TMEM135: variants seen among roughly 807,000 people sequenced by gnomAD.
TMEM135 encodes peroxisomal membrane protein 52.
Under a neutral mutation model 60.3 loss-of-function variants are expected in TMEM135, and 30 were observed. That is an observed-to-expected ratio of 0.50 (90% CI 0.37 to 0.68). The LOEUF (loss-of-function observed/expected upper bound fraction) is 0.68, where lower values mean the gene tolerates loss of function less well. Among genes scored for constraint, TMEM135 ranks in the 30% least tolerant of loss-of-function variants. The probability of loss-of-function intolerance (pLI) is 0.00; values close to 1 mark genes in which losing one functional copy is unlikely to be tolerated. For synonymous variants in TMEM135, 190 were observed against 186.7 expected (o/e 1.02, Z -0.14); for missense variants, 468 against 548.8 (o/e 0.85, Z 1.47).
At chr11:87,279,312 C>T (rs1942019898) in intron 6 of TMEM135, among the ~76,000 whole-genome samples, 1 of 152,046 alleles carries the variant, frequency 6.6e-6, no homozygotes, top group Non-Finnish European at 1.5e-5. Flanking sequence ...CTGTCTGTGG[C>T]TCACTGTTTC....
chr11:87,131,877 G>A (rs1047597421), intron 4 of TMEM135, among the ~76,000 whole-genome samples: 1 of 152,070 alleles, frequency 6.6e-6, no homozygotes, highest in Non-Finnish European at 1.5e-5. Flanking sequence ...TTGCATTGCC[G>A]CCTGAGCTCT....
intron 5 of TMEM135, among the ~76,000 whole-genome samples, chr11:87,218,571 G>A (rs1009704791): frequency 3.3e-5 from 5 of 152,078 alleles, no homozygotes; most frequent in Non-Finnish European, 7.4e-5. Context: ...TTTTCCTTAT[G>A]GTGATAATGC....
At chr11:87,282,587 A>G (rs1453299312) in intron 6 of TMEM135, among the ~76,000 whole-genome samples, 3 of 152,144 alleles carry the variant, frequency 2.0e-5, no homozygotes, top group Non-Finnish European at 4.4e-5. Flanking sequence ...CTTTAAAACT[A>G]TCCATGCCTG....
chr11:87,305,821 C>T (rs1942532149), intron 8 of TMEM135, 115 bp from the exon 9 acceptor site: 3 of 473,594 alleles, frequency 6.3e-6, no homozygotes, highest in East Asian at 7.7e-5. Flanking sequence ...ATGTTTTCTT[C>T]TCTCTCTTTT....
intron 5 of TMEM135, among the ~76,000 whole-genome samples, chr11:87,202,623 T>C (rs2135332628): frequency 6.6e-6 from 1 of 152,024 alleles, no homozygotes; most frequent in East Asian, 1.9e-4. Context: ...GTATGTAAAA[T>C]ATATTTTTAT....
At chr11:87,280,196 G>T (rs531883353) in intron 6 of TMEM135, among the ~76,000 whole-genome samples, 1 of 152,170 alleles carries the variant, frequency 6.6e-6, no homozygotes, top group Non-Finnish European at 1.5e-5. Flanking sequence ...AAAATTCAGC[G>T]TGTAGGCTGT....
At chr11:87,140,841 C>T (rs1031747283) in intron 4 of TMEM135, among the ~76,000 whole-genome samples, 3 of 151,956 alleles carry the variant, frequency 2.0e-5, no homozygotes, top group South Asian at 2.1e-4. Context: ...CATATATTTC[C>T]GTTTGGAAAT....
rs1406631291 is a variant in TMEM135 at position 87,150,844 on chromosome 11, C to T, written c.397-6497C>T. 1.3e-5 allele frequency among the ~76,000 whole-genome samples: 2 copies of T among 152,074 alleles called. 1 individual carries two copies. Among genetic ancestry groups the T allele is most frequent in the South Asian group, 4.1e-4 (2 of 4,826 alleles). Reference sequence around the variant, plus strand: ...CGTTTACCTCTGTAATTTGTTGAATCCCAGTTGTCTTTTTGGATTTACTCT... The same window carrying T: ...CGTTTACCTCTGTAATTTGTTGAATTCCAGTTGTCTTTTTGGATTTACTCT... On this transcript the variant is annotated intron_variant, in intron 4 of 14. Transcript: ENST00000305494.
chr11:87,261,407 T>C (rs982608769), intron 6 of TMEM135, among the ~76,000 whole-genome samples: 2 of 152,206 alleles, frequency 1.3e-5, no homozygotes, highest in Admixed American at 6.5e-5. Context: ...ACTTTTCTTA[T>C]CCAAAATTTC....
intron 5 of TMEM135, chr11:87,178,462 G>A (rs1313092371): frequency 1.1e-5 from 5 of 456,094 alleles, no homozygotes; most frequent in South Asian, 7.7e-5. Context: ...TTGAGATGGA[G>A]TCTCACTGTC....
chr11:87,103,031 A>AT (rs1857499598), intron 4 of TMEM135, among the ~76,000 whole-genome samples: 1 of 151,776 alleles, frequency 6.6e-6, no homozygotes, highest in Non-Finnish European at 1.5e-5. Flanking sequence ...ATCATGTGGT[A>AT]TTTTTTTCTG....
chr11:87,130,929 G>A (rs1439474266), intron 4 of TMEM135, among the ~76,000 whole-genome samples: 1 of 146,668 alleles, frequency 6.8e-6, no homozygotes, highest in Non-Finnish European at 1.5e-5. Context: ...TTTAGTTACA[G>A]TTTTCTTTTT....
chr11:87,060,800 G>A (rs1020377207), intron 1 of TMEM135, among the ~76,000 whole-genome samples: 42 of 151,976 alleles, frequency 2.8e-4, no homozygotes, highest in African/African-American at 1.0e-3. Flanking sequence ...CCACCACCAC[G>A]CCTGGCTAAT....
chr11:87,137,670 A>ATTT (rs11424291), intron 4 of TMEM135, among the ~76,000 whole-genome samples: 1 of 149,982 alleles, frequency 6.7e-6, no homozygotes. Context: ...AAATCTCAGC[A>ATTT]TTTTTTTTTT....
At position 87,314,149 on chromosome 11, in the gene TMEM135, A is replaced by G. The variant is rs549835383; in HGVS notation, c.1001-322A>G. Among the ~76,000 whole-genome samples the G allele has an allele frequency of 3.9e-5, 6 of 151,918 alleles. No individual in the cohort carries two copies. In the South Asian group the frequency reaches 1.2e-3, roughly 31 times the overall value. Reference sequence around the variant, plus strand: ...TATTTCCACTTAAAATCGAAAAGGAACCAAGAGGCTTTGAAAAATTATTTT... The same window carrying G: ...TATTTCCACTTAAAATCGAAAAGGAGCCAAGAGGCTTTGAAAAATTATTTT... On this transcript the variant is annotated intron_variant, in intron 11 of 14. Coordinates refer to ENST00000305494, the MANE Select transcript of TMEM135 (RefSeq NM_022918.4).
intron 6 of TMEM135, among the ~76,000 whole-genome samples, chr11:87,250,365 G>A (rs1941386623): frequency 1.3e-5 from 2 of 151,884 alleles, no homozygotes; most frequent in Non-Finnish European, 2.9e-5. Flanking sequence ...AGTTCTTTAA[G>A]ATGCATTGTT....
Position 87,090,136 on chromosome 11 carries a change from G to C in TMEM135, c.363-1226G>C, listed in dbSNP as rs919794960. Among the ~76,000 whole-genome samples the C allele has an allele frequency of 2.0e-5, 3 of 152,060 alleles. No individual in the cohort carries two copies. In the East Asian group the frequency reaches 5.8e-4, roughly 29 times the overall value. ...ATGGCACTGGGTGTATGGCACTGTG[G>C]GTCCTATATCCCCTTCCCCTTTTAA... On this transcript the variant is annotated intron_variant, in intron 3 of 14. Coordinates refer to ENST00000305494, the MANE Select transcript of TMEM135 (RefSeq NM_022918.4).
intron 2 of TMEM135, among the ~76,000 whole-genome samples, chr11:87,068,576 C>T (rs915884451): frequency 2.6e-5 from 4 of 151,344 alleles, no homozygotes; most frequent in Non-Finnish European, 5.9e-5. Context: ...TTTGGGAGGC[C>T]GAGGCGGGTG....
intron 4 of TMEM135, among the ~76,000 whole-genome samples, chr11:87,108,429 T>G (rs1389265852): frequency 2.6e-5 from 4 of 152,144 alleles, no homozygotes; most frequent in Non-Finnish European, 4.4e-5. Context: ...CAATGTCTCT[T>G]TCATTTTTCA....
Sources: allele counts gnomAD v4.1 joint callset (sites outside exome capture counted in the v4.1 genomes callset), GRCh38; gene constraint gnomAD v4.1.1; transcripts MANE v1.5; gene names NCBI Gene and HGNC (gene_info 2026-07-23, HGNC 2026-07-21).